Variants in PGAP1 observed in about 807,000 individuals in gnomAD.
PGAP1 encodes the protein post-GPI attachment to proteins inositol deacylase 1, also known as GPI inositol-deacylase.
In PGAP1, 76 loss-of-function variants were observed where a neutral mutation model predicts 127.0. The observed-to-expected ratio is 0.60, with a 90% confidence interval of 0.50 to 0.72. The LOEUF is 0.72. PGAP1 is among the 30% of genes least tolerant of loss of function. The pLI is 0.00. For synonymous variants in PGAP1, 362 were observed against 366.5 expected, an observed-to-expected ratio of 0.99 and a Z score of 0.14; for missense variants, 982 against 1,071.3, an observed-to-expected ratio of 0.92 and a Z score of 1.16.
At position 196,873,561 on chromosome 2, in the gene PGAP1, T is replaced by C. The variant is rs746104068; in HGVS notation, c.1519A>G (p.Ile507Val). The C allele has an allele frequency of 1.9e-6, 3 of 1,611,240 alleles. No individual in the cohort carries two copies. Among genetic ancestry groups the C allele is most frequent in the Non-Finnish European group, 2.5e-6 (3 of 1,178,478 alleles). Reference sequence around the variant, plus strand: ...GCTGAGCACTTGCTTACCACGTTGATTTTAAAAGCTTGGTATATCTAATAG... The same window carrying C: ...GCTGAGCACTTGCTTACCACGTTGACTTTAAAAGCTTGGTATATCTAATAG... The part of the protein sequence containing the change: ...NFGQIYQAFK[I>V]NVVSKCSAVK... The change falls in exon 16 of 27, where the codon ATC (isoleucine) becomes GTC (valine). Residue 507 changes from isoleucine (I) to valine (V), a missense_variant. Ile to Val is a conservative substitution (Grantham distance 29, BLOSUM62 3). Transcript: ENST00000354764.
chr2:196,872,540 A>T lies in PGAP1; in HGVS notation c.1629T>A (p.Ser543=). Residue 543 remains serine (S), a synonymous_variant, in exon 18 of 27, where the codon TCT becomes TCA. Transcript: ENST00000354764. ...EDSLTIAQAP[S]STEISLKLHI... ...GGAGTTTCAGAGAAATTTCTGTGGA[A>T]GATGGAGCCCTGAAGAGATAACTTA... The T allele has an allele frequency of 6.2e-7, 1 of 1,607,846 alleles. No homozygotes were observed. Among genetic ancestry groups the T allele is most frequent in the African/African-American group, 1.3e-5 (1 of 74,916 alleles).
At chr2:196,875,625 T>C (rs1701539175) in intron 14 of PGAP1, 121 bp downstream of exon 14, 1 of 641,486 alleles carries the variant, frequency 1.6e-6, no homozygotes, top group Non-Finnish European at 2.8e-6. Context: ...AACCACATCA[T>C]ATAGTTATTC....
chr2:196,893,329 C>G (rs1017412434), intron 7 of PGAP1, 84 bp from the exon 8 acceptor site: 46 of 702,976 alleles, frequency 6.5e-5, no homozygotes, highest in Middle Eastern at 2.8e-4. Context: ...ATGATGACAA[C>G]AGCCAACATT....
chr2:196,918,461 T>C (rs1307694916), intron 2 of PGAP1, among the ~76,000 whole-genome samples: 1 of 152,130 alleles, frequency 6.6e-6, no homozygotes, highest in Non-Finnish European at 1.5e-5. Context: ...GGACAAACCA[T>C]GGTATAGTCA....
chr2:196,853,387 T>C (rs990966298), intron 20 of PGAP1, among the ~76,000 whole-genome samples: 4 of 152,276 alleles, frequency 2.6e-5, no homozygotes, highest in Non-Finnish European at 5.9e-5. Context: ...AATTGTTCCA[T>C]GTAATCAGGA....
At chr2:196,898,449 A>G in intron 5 of PGAP1, 80 bp from the exon 6 acceptor site, 1 of 913,076 alleles carries the variant, frequency 1.1e-6, no homozygotes. Flanking sequence ...ACAAGCTAAT[A>G]TTTAGAAACA....
rs751185546 is a variant in PGAP1 at position 196,833,601 on chromosome 2, T to C, written c.*7633A>G. 2 of 152,174 alleles carry C rather than the reference T, an allele frequency of 1.3e-5. No individual in the cohort carries two copies. The highest frequency in any genetic ancestry group is 2.9e-5 in the Non-Finnish European group (2 of 68,000). 9.4% of individuals were successfully genotyped at this position (152,174 alleles called of 1,614,324 possible). On this transcript the variant is annotated 3_prime_UTR_variant, in exon 27 of 27. Coordinates refer to ENST00000354764, the MANE Select transcript of PGAP1 (RefSeq NM_024989.4). ...CTTGCTCAAACTACCTTCATGTCAATAAGATCATGTTTTAAGGAAAGACAT... is the reference window on the plus strand; with the variant it reads ...CTTGCTCAAACTACCTTCATGTCAACAAGATCATGTTTTAAGGAAAGACAT...
chr2:196,897,707 A>G (rs1206833472), intron 6 of PGAP1, among the ~76,000 whole-genome samples: 3 of 152,176 alleles, frequency 2.0e-5, no homozygotes, highest in African/African-American at 7.2e-5. Context: ...AGTCCTACCA[A>G]AAGTGCAGTT....
intron 25 of PGAP1, among the ~76,000 whole-genome samples, chr2:196,843,352 A>C (rs1700466918): frequency 6.6e-6 from 1 of 152,192 alleles, no homozygotes; most frequent in South Asian, 2.1e-4. Flanking sequence ...AACAGATATA[A>C]AAGAAGGATA....
Position 196,847,196 on chromosome 2 carries a change from T to C in PGAP1, c.1957A>G (p.Lys653Glu). 1.2e-6 allele frequency: 2 copies of C among 1,605,396 alleles called. No individual in the cohort carries two copies. Among genetic ancestry groups the C allele is most frequent in the Non-Finnish European group, 1.7e-6 (2 of 1,176,372 alleles). ...VIIIKFLLGY[K>E]WFKELWDVLL... ...ACATCCCACAATTCTTTAAACCATT[T>C]ATACCTGTGGAGAAAAGAAAATATA... The change falls in exon 22 of 27, where the codon AAA (lysine) becomes GAA (glutamate). Residue 653 changes from lysine to glutamate, a missense_variant. Lys to Glu is a moderately conservative substitution (Grantham distance 56, BLOSUM62 1). Coordinates refer to ENST00000354764, the MANE Select transcript of PGAP1 (RefSeq NM_024989.4).
At chr2:196,923,795 C>T (rs1040958876) in intron 1 of PGAP1, among the ~76,000 whole-genome samples, 2 of 151,994 alleles carry the variant, frequency 1.3e-5, no homozygotes, top group African/African-American at 2.4e-5. Context: ...TGAGTACCTG[C>T]GACTATAGAC....
At position 196,855,253 on chromosome 2, in the gene PGAP1, G is replaced by A. The variant is rs190418003; in HGVS notation, c.1862-7216C>T. On this transcript the variant is annotated intron_variant, in intron 20 of 26. Coordinates refer to ENST00000354764, the MANE Select transcript of PGAP1 (RefSeq NM_024989.4). Reference sequence around the variant, plus strand: ...AGGCAGGAGAATCACTTGAACCTGGGAGGCAGAAGTTGCAGTGAGCCTAGA... The same window carrying A: ...AGGCAGGAGAATCACTTGAACCTGGAAGGCAGAAGTTGCAGTGAGCCTAGA... Among the ~76,000 whole-genome samples the A allele has an allele frequency of 6.5e-3, 971 of 149,766 alleles. 4 individuals are homozygous for A. Among genetic ancestry groups the A allele is most frequent in the Middle Eastern group, 0.021 (6 of 286 alleles).
intron 19 of PGAP1, among the ~76,000 whole-genome samples, chr2:196,866,171 C>A (rs1477978151): frequency 6.6e-6 from 1 of 152,144 alleles, no homozygotes; most frequent in African/African-American, 2.4e-5. Flanking sequence ...CAAGACAATC[C>A]TAAGCAAAAG....
At chr2:196,911,302 T>C (rs1441828300) in intron 4 of PGAP1, among the ~76,000 whole-genome samples, 3 of 9,450 alleles carry the variant, frequency 3.2e-4, no homozygotes, top group African/African-American at 1.5e-3. Context: ...TCATATCCTT[T>C]GTAGGGACAT....
At chr2:196,868,688 G>A (rs74611456) in intron 19 of PGAP1, among the ~76,000 whole-genome samples, 38 of 152,110 alleles carry the variant, frequency 2.5e-4, no homozygotes, top group Admixed American at 2.0e-3. Flanking sequence ...CCTCTTTTTC[G>A]TAAGAGCAGA....
chr2:196,914,945 T>G (rs920289341), intron 3 of PGAP1, among the ~76,000 whole-genome samples: 1 of 151,952 alleles, frequency 6.6e-6, no homozygotes, highest in Non-Finnish European at 1.5e-5. Context: ...GCCTCCCAAG[T>G]AGCTGGGACT....
chr2:196,926,582 G>T lies in PGAP1; in HGVS notation c.35C>A (p.Ala12Glu), dbSNP rs1703369208. 6.2e-7 allele frequency: 1 copy of T among 1,614,030 alleles called. No homozygotes were observed. Among genetic ancestry groups the T allele is most frequent in the African/African-American group, 1.3e-5 (1 of 74,914 alleles). ...CAGAAAGACCATGAAGACATAAAAC[G>T]CCAGGTTCCAGAGATTAACTGAGTG... ...FLHSVNLWNL[A>E]FYVFMVFLAT... The change falls in exon 1 of 27, where the codon GCG becomes GAG. Residue 12 changes from alanine (A) to glutamate (E), a missense_variant. By Grantham distance (107) the Ala-to-Glu change is moderately radical. Coordinates refer to ENST00000354764, the MANE Select transcript of PGAP1 (RefSeq NM_024989.4).
Position 196,842,786 on chromosome 2 carries a change from C to T in PGAP1, c.2565G>A (p.Leu855=). Residue 855 remains leucine (L), a synonymous_variant, in exon 26 of 27, where the codon TTG becomes TTA. Coordinates refer to ENST00000354764, the MANE Select transcript of PGAP1 (RefSeq NM_024989.4). ...CCATAGTCGGAATAAGGATAAATGC[C>T]AAAGGTTTACATGGATCAGGATTAA... is the stretch of plus-strand genomic sequence containing the variant. ...FKLNPDPCKP[L]AFILIPTMAI... is the part of the protein sequence containing the mutation. 6.3e-7 allele frequency: 1 copy of T among 1,581,248 alleles called. No homozygotes were observed. The highest frequency in any genetic ancestry group is 2.3e-5 in the East Asian group (1 of 43,730).
In PGAP1 at chr2:196,841,005, T is replaced by C. The variant is rs753355341; in HGVS notation, c.*229A>G. The C allele has an allele frequency of 2.8e-5, 13 of 462,410 alleles. No homozygotes were observed. Among genetic ancestry groups the C allele is most frequent in the Non-Finnish European group, 4.6e-5 (12 of 261,352 alleles). 28.6% of individuals were successfully genotyped at this position (462,410 alleles called of 1,614,324 possible). ...ATGATAGTGATCACCATATATCCCT[T>C]CATGAATTTTTCAAAAATGATTACT... On this transcript the variant is annotated 3_prime_UTR_variant, in exon 27 of 27. Coordinates refer to ENST00000354764, the MANE Select transcript of PGAP1 (RefSeq NM_024989.4).
Sources: gnomAD v4.1 joint callset for allele counts (sites outside exome capture counted in the v4.1 genomes callset) on GRCh38, gnomAD v4.1.1 for gene constraint, MANE v1.5 for transcripts, NCBI Gene and HGNC (gene_info 2026-07-23, HGNC 2026-07-21) for gene names.